The following DLG2 variants were observed in gnomAD, a reference collection of about 807,000 sequenced individuals.
DLG2 encodes the protein disks large homolog 2.
In DLG2, 45 loss-of-function variants were observed where a neutral mutation model predicts 132.5. That is an observed-to-expected ratio of 0.34 (90% confidence interval 0.27 to 0.44). The LOEUF (loss-of-function observed/expected upper bound fraction) is 0.44, where lower values mean the gene tolerates loss of function less well. Among genes scored for constraint, DLG2 ranks in the 20% least tolerant of loss-of-function variants. The pLI, the probability that DLG2 is intolerant of heterozygous loss-of-function variation, is 1.00. For synonymous variants in DLG2, 424 were observed against 419.6 expected (o/e 1.01, Z -0.13); for missense variants, 1,045 against 1,196.9 (o/e 0.87, Z 1.87).
At chr11:85,613,989 G>A (rs1340356005) in intron 2 of DLG2, among the ~76,000 whole-genome samples, 6 of 152,042 alleles carry the variant, frequency 3.9e-5, no homozygotes, top group South Asian at 2.1e-4. Flanking sequence ...AACATGCACC[G>A]CGAAGGTCTG....
intron 19 of DLG2, among the ~76,000 whole-genome samples, chr11:83,566,594 G>T (rs935746647): frequency 2.0e-5 from 3 of 151,584 alleles, no homozygotes; most frequent in African/African-American, 7.3e-5. Flanking sequence ...TTTATATATA[G>T]TATTTAACAT....
intron 6 of DLG2, among the ~76,000 whole-genome samples, chr11:84,606,363 T>C (rs1044288340): frequency 1.3e-5 from 2 of 152,108 alleles, no homozygotes; most frequent in African/African-American, 4.8e-5. Context: ...GTCACTGTTA[T>C]GCAAAATAAA....
chr11:84,487,152 A>ATT (rs2099153103), intron 7 of DLG2, among the ~76,000 whole-genome samples: 1 of 152,172 alleles, frequency 6.6e-6, no homozygotes, highest in South Asian at 2.1e-4. Context: ...CAGAATGATT[A>ATT]ATCAACAATT....
At chr11:85,268,351 T>C (rs2077340429) in intron 4 of DLG2, among the ~76,000 whole-genome samples, 1 of 152,134 alleles carries the variant, frequency 6.6e-6, no homozygotes, top group Non-Finnish European at 1.5e-5. Context: ...GACCTGGAAG[T>C]CCCCTCCCCA....
At chr11:84,729,350 A>G (rs1333057834) in intron 6 of DLG2, among the ~76,000 whole-genome samples, 1 of 152,026 alleles carries the variant, frequency 6.6e-6, no homozygotes, top group African/African-American at 2.4e-5. Context: ...AGTAGTCATT[A>G]AGGAGCAGGT....
intron 9 of DLG2, among the ~76,000 whole-genome samples, chr11:84,107,182 C>T (rs181535181): frequency 1.3e-5 from 2 of 151,862 alleles, no homozygotes; most frequent in Admixed American, 6.6e-5. Context: ...GAAGAGAGCA[C>T]ACAAAAAAAC....
At chr11:83,665,527 G>T (rs2075338721) in intron 18 of DLG2, among the ~76,000 whole-genome samples, 1 of 152,206 alleles carries the variant, frequency 6.6e-6, no homozygotes. Context: ...CCTCTGCAGG[G>T]ATGACCTGAG....
At chr11:84,010,443 C>T (rs970698043) in intron 11 of DLG2, among the ~76,000 whole-genome samples, 6 of 152,080 alleles carry the variant, frequency 3.9e-5, no homozygotes, top group Middle Eastern at 3.4e-3. Context: ...CAGGTGCATA[C>T]GACTACCCCA....
At chr11:85,049,123 T>A (rs1593231603) in intron 6 of DLG2, among the ~76,000 whole-genome samples, 1 of 152,158 alleles carries the variant, frequency 6.6e-6, no homozygotes, top group East Asian at 1.9e-4. Flanking sequence ...ACCCTTTCAA[T>A]CTGCTGCACA....
At chr11:85,323,795 T>C (rs1456811700) in intron 3 of DLG2, among the ~76,000 whole-genome samples, 1 of 152,246 alleles carries the variant, frequency 6.6e-6, no homozygotes, top group Non-Finnish European at 1.5e-5. Flanking sequence ...TAACATAATG[T>C]CCTCCAGTTA....
intron 18 of DLG2, among the ~76,000 whole-genome samples, chr11:83,730,531 G>T (rs986427709): frequency 7.9e-5 from 12 of 152,016 alleles, no homozygotes; most frequent in Non-Finnish European, 1.8e-4. Flanking sequence ...CAAAGACAAA[G>T]GTATTCTCCC....
At chr11:83,987,336 GA>G (rs1408890731) in intron 11 of DLG2, among the ~76,000 whole-genome samples, 4 of 152,046 alleles carry the variant, frequency 2.6e-5, no homozygotes, top group African/African-American at 7.2e-5. Context: ...CACAGAATTG[GA>G]AAAAACTACT....
intron 3 of DLG2, among the ~76,000 whole-genome samples, chr11:85,311,883 G>A (rs921734279): frequency 6.6e-6 from 1 of 151,868 alleles, no homozygotes; most frequent in African/African-American, 2.4e-5. Flanking sequence ...TCCTTGGTTG[G>A]CTCTATAGTA....
At chr11:83,981,814 TTG>T (rs1187144641) in intron 11 of DLG2, among the ~76,000 whole-genome samples, 1 of 152,216 alleles carries the variant, frequency 6.6e-6, no homozygotes, top group Non-Finnish European at 1.5e-5. Flanking sequence ...AACATGGCGA[TTG>T]TCTCTTTTAA....
chr11:84,052,817 T>C (rs996242442), intron 11 of DLG2, among the ~76,000 whole-genome samples: 1 of 151,988 alleles, frequency 6.6e-6, no homozygotes, highest in Admixed American at 6.6e-5. Flanking sequence ...GCTTTTACAT[T>C]GTTGGTAGGA....
chr11:84,506,091 T>TTTTTTTTTTTTTTG (rs1567817845), intron 7 of DLG2, among the ~76,000 whole-genome samples: 1 of 141,426 alleles, frequency 7.1e-6, no homozygotes, highest in Non-Finnish European at 1.5e-5. Flanking sequence ...TTTTTTTTTT[T>TTTTTTTTTTTTTTG]TTGAGACGGA....
At chr11:84,902,585 T>C (rs1347863775) in intron 6 of DLG2, among the ~76,000 whole-genome samples, 1 of 152,170 alleles carries the variant, frequency 6.6e-6, no homozygotes, top group African/African-American at 2.4e-5. Flanking sequence ...CTCCTTTCAC[T>C]TTTCACAGTT....
intron 21 of DLG2, among the ~76,000 whole-genome samples, chr11:83,503,723 G>A (rs1219623274): frequency 6.6e-6 from 1 of 151,940 alleles, no homozygotes; most frequent in Non-Finnish European, 1.5e-5. Flanking sequence ...GATTAAGGGT[G>A]GGTCTGCCTT....
intron 12 of DLG2, among the ~76,000 whole-genome samples, chr11:83,972,872 T>G (rs561793703): frequency 6.6e-6 from 1 of 152,100 alleles, no homozygotes; most frequent in African/African-American, 2.4e-5. Context: ...TAGCACCAGA[T>G]CATATTAGTT....
Sources: allele counts gnomAD v4.1 joint callset (sites outside exome capture counted in the v4.1 genomes callset), GRCh38; gene constraint gnomAD v4.1.1; transcripts MANE v1.5; gene names NCBI Gene and HGNC (gene_info 2026-07-23, HGNC 2026-07-21).